The following CADM2 variants were observed in gnomAD, a reference collection of about 807,000 sequenced individuals.
The protein encoded by CADM2 is immunoglobulin superfamily member 4D.
A neutral mutation model predicts 49.8 loss-of-function variants in CADM2; 12 were observed. That is an observed-to-expected ratio of 0.24 (90% CI 0.15 to 0.39). CADM2 has a LOEUF of 0.39. Ranked by LOEUF, CADM2 falls within the 10% of genes least tolerant of loss-of-function variation. The pLI is 1.00. For missense variants in CADM2, 378 were observed against 492.3 expected (o/e 0.77, Z 2.20); for synonymous variants, 214 against 175.4 (o/e 1.22, Z -1.74).
intron 1 of CADM2, among the ~76,000 whole-genome samples, chr3:85,692,615 T>G (rs2066419747): frequency 6.6e-6 from 1 of 152,184 alleles, no homozygotes; most frequent in South Asian, 2.1e-4. Flanking sequence ...AATTTTGTAT[T>G]TTGAAGTTTG....
intron 1 of CADM2, among the ~76,000 whole-genome samples, chr3:85,541,769 TA>T (rs2061550673): frequency 1.6e-4 from 1 of 6,408 alleles, no homozygotes; most frequent in Non-Finnish European, 8.5e-4. Flanking sequence ...ATATATATTT[TA>T]TATTTTATAT....
chr3:85,880,704 A>T (rs142477334), intron 3 of CADM2, among the ~76,000 whole-genome samples: 1 of 152,248 alleles, frequency 6.6e-6, no homozygotes, highest in African/African-American at 2.4e-5. Context: ...TTCTCTTGGG[A>T]TCCTTTCAAG....
At chr3:85,686,628 A>C (rs9835483) in intron 1 of CADM2, among the ~76,000 whole-genome samples, 6,170 of 152,236 alleles carry the variant, frequency 0.041, 314 homozygotes, top group African/African-American at 0.12. Flanking sequence ...ATAATACCAA[A>C]ACTTGGTTTG....
chr3:85,635,056 G>A (rs1277828992), intron 1 of CADM2, among the ~76,000 whole-genome samples: 1 of 152,016 alleles, frequency 6.6e-6, no homozygotes, highest in Non-Finnish European at 1.5e-5. Flanking sequence ...CATAGTACTC[G>A]TCACATATTA....
chr3:85,441,417 C>T (rs372331959), intron 1 of CADM2, among the ~76,000 whole-genome samples: 98 of 151,838 alleles, frequency 6.5e-4, no homozygotes, highest in Middle Eastern at 3.4e-3. Flanking sequence ...TGCTGGTAGT[C>T]GGCAAAATTA....
At chr3:85,485,432 A>G (rs2039378060) in intron 1 of CADM2, among the ~76,000 whole-genome samples, 1 of 152,054 alleles carries the variant, frequency 6.6e-6, no homozygotes, top group African/African-American at 2.4e-5. Context: ...ATTCAGACAT[A>G]GGCTTTAAAT....
At chr3:84,972,100 C>T (rs2031488057) in intron 1 of CADM2, among the ~76,000 whole-genome samples, 1 of 152,122 alleles carries the variant, frequency 6.6e-6, no homozygotes, top group Non-Finnish European at 1.5e-5. Flanking sequence ...AGCAAGAGAC[C>T]TAAGTTCTCA....
intron 1 of CADM2, among the ~76,000 whole-genome samples, chr3:84,975,120 G>A (rs1006825033): frequency 6.6e-6 from 1 of 151,698 alleles, no homozygotes; most frequent in Non-Finnish European, 1.5e-5. Flanking sequence ...CCTCAATTAG[G>A]CTGTCTGTTA....
intron 3 of CADM2, among the ~76,000 whole-genome samples, chr3:85,868,220 T>A (rs2075794335): frequency 6.6e-6 from 1 of 152,076 alleles, no homozygotes; most frequent in Non-Finnish European, 1.5e-5. Flanking sequence ...AACATTTTAT[T>A]TTACATCCTT....
intron 1 of CADM2, among the ~76,000 whole-genome samples, chr3:85,203,214 C>T (rs1054065694): frequency 3.3e-5 from 5 of 152,200 alleles, no homozygotes; most frequent in Non-Finnish European, 7.3e-5. Flanking sequence ...CAGCCTAACT[C>T]GGCTTTTGAC....
intron 1 of CADM2, among the ~76,000 whole-genome samples, chr3:85,004,494 C>T (rs548599191): frequency 1.5e-4 from 23 of 152,242 alleles, no homozygotes; most frequent in Admixed American, 4.6e-4. Context: ...AGCAATTCTA[C>T]TGTAAAGTCA....
chr3:85,918,067 G>A (rs1035246005), intron 6 of CADM2, among the ~76,000 whole-genome samples: 1 of 152,102 alleles, frequency 6.6e-6, no homozygotes, highest in Admixed American at 6.6e-5. Context: ...AGACGATGGG[G>A]TTTTCTAGAT....
At chr3:85,788,037 AT>A (rs1243597482) in intron 2 of CADM2, among the ~76,000 whole-genome samples, 2 of 152,078 alleles carry the variant, frequency 1.3e-5, no homozygotes, top group Non-Finnish European at 2.9e-5. Flanking sequence ...GTTTCTCGCC[AT>A]TTAACTAAGT....
intron 2 of CADM2, among the ~76,000 whole-genome samples, chr3:85,779,903 G>T (rs1262404641): frequency 6.6e-6 from 1 of 152,100 alleles, no homozygotes; most frequent in African/African-American, 2.4e-5. Flanking sequence ...AAGGAGCTAG[G>T]TAGGTAGTAC....
chr3:85,536,275 A>G (rs2061419614), intron 1 of CADM2, among the ~76,000 whole-genome samples: 1 of 151,978 alleles, frequency 6.6e-6, no homozygotes, highest in Admixed American at 6.6e-5. Context: ...CTCATACCTG[A>G]GATTCGTTAG....
chr3:85,479,505 A>G (rs1458765180), intron 1 of CADM2, among the ~76,000 whole-genome samples: 2 of 151,794 alleles, frequency 1.3e-5, no homozygotes, highest in Non-Finnish European at 2.9e-5. Flanking sequence ...GGATTAAAAA[A>G]CCTTTGTTAG....
At chr3:85,505,100 T>C (rs1015719038) in intron 1 of CADM2, among the ~76,000 whole-genome samples, 2 of 152,136 alleles carry the variant, frequency 1.3e-5, no homozygotes, top group Non-Finnish European at 2.9e-5. Context: ...GCTCCGGCCT[T>C]GGCCAGCCCA....
At chr3:85,583,417 A>C (rs1279811669) in intron 1 of CADM2, among the ~76,000 whole-genome samples, 2 of 152,148 alleles carry the variant, frequency 1.3e-5, no homozygotes, top group East Asian at 3.9e-4. Context: ...GTCCTACTAA[A>C]GCAATAGTAA....
chr3:85,884,785 C>A (rs541629209), intron 4 of CADM2, among the ~76,000 whole-genome samples: 115 of 148,538 alleles, frequency 7.7e-4, no homozygotes, highest in African/African-American at 2.9e-3. Context: ...AGTGCAGTGG[C>A]GCCATCTCAG....
Sources: allele counts gnomAD v4.1 joint callset (sites outside exome capture counted in the v4.1 genomes callset), GRCh38; gene constraint gnomAD v4.1.1; transcripts MANE v1.5; gene names NCBI Gene and HGNC (gene_info 2026-07-23, HGNC 2026-07-21).